GGT1: variants seen among roughly 807,000 people sequenced by gnomAD.
GGT1 encodes gamma-glutamyltransferase 1, also known as glutathione hydrolase 1 proenzyme.
Under a neutral mutation model 56.0 loss-of-function variants are expected in GGT1, and 21 were observed. That is an observed-to-expected ratio of 0.38 (90% CI 0.27 to 0.54). GGT1 has a LOEUF of 0.54. GGT1 is among the 20% of genes least tolerant of loss of function. The pLI, the probability that GGT1 is intolerant of heterozygous loss-of-function variation, is 0.82. For missense variants in GGT1, 466 were observed against 787.0 expected, an observed-to-expected ratio of 0.59 and a Z score of 4.88; for synonymous variants, 238 against 342.6, an observed-to-expected ratio of 0.69 and a Z score of 3.37.
At chr22:24,592,343 G>A (rs1468494190), upstream of GGT1, 1 of 470,556 alleles carries the variant, frequency 2.1e-6, no homozygotes, top group Admixed American at 2.3e-5. Flanking sequence ...CTCTCTGTGG[G>A]CTGCCATGGT....
Position 24,620,717 on chromosome 22 carries a change from A to G in GGT1, c.576-196A>G. ...GTCCCAGTGGCCACTGTGGCTGGCC[A>G]TGTGTCCTGAGTGGCAAGGGACACT... On this transcript the variant is annotated intron_variant, in intron 8 of 15. Coordinates refer to ENST00000400382, the MANE Select transcript of GGT1 (RefSeq NM_001288833.2). The surrounding 1 kb of genome is among the most constrained non-coding windows in gnomAD (Gnocchi z 5.6). 6.9e-6 allele frequency: 10 copies of G among 1,458,162 alleles called. No homozygotes were observed. Among genetic ancestry groups the G allele is most frequent in the Non-Finnish European group, 7.3e-6 (8 of 1,102,728 alleles). The allele number at this position is 1,458,162 out of a possible 1,614,324, so 90.3% of individuals were successfully genotyped here.
At chr22:24,626,883 C>T (rs4426615) in intron 11 of GGT1, among the ~76,000 whole-genome samples, 9,688 of 148,212 alleles carry the variant, frequency 0.065, 975 homozygotes, top group African/African-American at 0.22. Flanking sequence ...CATTCACTCT[C>T]TGCCTATCAC....
At chr22:24,586,208 C>T in the GGT1 span, 165 of 1,613,528 alleles carry the variant, frequency 1.0e-4, no homozygotes, top group Admixed American at 2.3e-4. Flanking sequence ...CTGGGTGAGG[C>T]GGGGCAGCGC....
chr22:24,618,367 G>A (rs1435947570), intron 7 of GGT1, among the ~76,000 whole-genome samples: 1 of 152,176 alleles, frequency 6.6e-6, no homozygotes, highest in African/African-American at 2.4e-5. Context: ...GAGGTGGGTG[G>A]ATGACCTGAG....
chr22:24,588,257 G>C, the GGT1 span: 1 of 1,613,584 alleles, frequency 6.2e-7, no homozygotes, highest in Non-Finnish European at 8.5e-7. Context: ...CCTTGCTGCT[G>C]CTTCGAGTGA....
the GGT1 span, chr22:24,589,515 A>G: frequency 2.1e-6 from 1 of 472,552 alleles, no homozygotes; most frequent in South Asian, 3.7e-5. Context: ...GGGTCCCCAT[A>G]TGACTTCTGC....
At chr22:24,618,910 G>T (rs2047234394) in intron 7 of GGT1, among the ~76,000 whole-genome samples, 1 of 152,056 alleles carries the variant, frequency 6.6e-6, no homozygotes, top group South Asian at 2.1e-4. Context: ...GCGGGGCTCA[G>T]GGGGGAAGCA....
intron 9 of GGT1, among the ~76,000 whole-genome samples, 160 bp from the exon 10 acceptor site, chr22:24,622,946 AC>A (rs1480084828): frequency 3.3e-5 from 5 of 151,994 alleles, no homozygotes; most frequent in South Asian, 2.1e-4. Flanking sequence ...GCACAGTCCC[AC>A]CCCTCCAGTA....
chr22:24,623,832 G>A lies in GGT1; in HGVS notation c.936G>A (p.Thr312=), dbSNP rs766059068. ...AGAGCCCCGAGCAGAAGGGCCTGACGTACCACCGCATCGTAGAGGCTTTCC... is the reference window on the plus strand; with the variant it reads ...AGAGCCCCGAGCAGAAGGGCCTGACATACCACCGCATCGTAGAGGCTTTCC... The part of the protein sequence containing the change: ...SVESPEQKGL[T]YHRIVEAFRF... The change falls in exon 11 of 16, where the codon ACG becomes ACA. Residue 312 remains threonine (T), a synonymous_variant. Transcript: ENST00000400382. 2.2e-5 allele frequency: 36 copies of A among 1,611,744 alleles called. No individual in the cohort carries two copies. The highest frequency in any genetic ancestry group is 2.6e-5 in the Non-Finnish European group (31 of 1,179,840).
At chr22:24,601,005 T>C (rs367775640), upstream of GGT1, among the ~76,000 whole-genome samples, 2,278 of 152,278 alleles carry the variant, frequency 0.015, 64 homozygotes, top group African/African-American at 0.051. Flanking sequence ...CTTGAGATTC[T>C]GTGATCCTAA....
chr22:24,588,555 C>A, the GGT1 span: 1 of 789,384 alleles, frequency 1.3e-6, no homozygotes, highest in Non-Finnish European at 1.9e-6. Flanking sequence ...TGGTCCAGTC[C>A]CGCAGTGCCC....
At chr22:24,618,849 A>G (rs2147428739) in intron 7 of GGT1, among the ~76,000 whole-genome samples, 1 of 152,270 alleles carries the variant, frequency 6.6e-6, no homozygotes, top group South Asian at 2.1e-4. Flanking sequence ...CAGAGGCCAT[A>G]GTTGTACCTT....
At chr22:24,603,557 C>T (rs1014854663) in intron 1 of GGT1, 30 bp downstream of exon 1, 1 of 152,382 alleles carries the variant, frequency 6.6e-6, no homozygotes, top group African/African-American at 2.4e-5. Flanking sequence ...CTTTATCCGA[C>T]TGGGTCTGGG....
chr22:24,624,719 G>T (rs2047644473), intron 11 of GGT1: 1 of 977,794 alleles, frequency 1.0e-6, no homozygotes, highest in Admixed American at 6.1e-5. Context: ...TGCCTCTGAT[G>T]ATTTACTTCT....
At chr22:24,607,331 C>A (rs970737122) in intron 1 of GGT1, among the ~76,000 whole-genome samples, 197 of 152,214 alleles carry the variant, frequency 1.3e-3, no homozygotes, top group African/African-American at 4.6e-3. Context: ...ACTACTCCAC[C>A]GCCTCCAGAG....
At position 24,628,300 on chromosome 22, in the gene GGT1, G is replaced by T. The variant is rs2047916318; in HGVS notation, c.1475G>T (p.Gly492Val). Residue 492 changes from glycine to valine, a missense_variant, in exon 15 of 16, where the codon GGC becomes GTC. Gly to Val is a moderately radical substitution (Grantham distance 109). This residue lies in a region of GGT1 where 456 missense variants were observed against 716.7 expected (regional missense o/e 0.64). Transcript: ENST00000400382. The surrounding 1 kb of genome is among the most constrained non-coding windows in gnomAD (Gnocchi z 5.7). ...ALAIIYNLWF[G>V]YDVKRAVEEP... ...GCCATCATCTACAACCTCTGGTTCG[G>T]CTATGACGTGAAGCGGGCCGTGGAG... The T allele has an allele frequency of 6.2e-7, 1 of 1,611,774 alleles. No individual in the cohort carries two copies. The highest frequency in any genetic ancestry group is 1.3e-5 in the African/African-American group (1 of 74,766).
intron 1 of GGT1, among the ~76,000 whole-genome samples, chr22:24,604,669 G>A (rs961875231): frequency 2.6e-5 from 4 of 151,994 alleles, no homozygotes; most frequent in Non-Finnish European, 5.9e-5. Flanking sequence ...TCCTTCCTCA[G>A]GTGACATGGC....
At chr22:24,614,045 G>A (rs1479580651) in intron 5 of GGT1, among the ~76,000 whole-genome samples, 3 of 151,936 alleles carry the variant, frequency 2.0e-5, no homozygotes, top group African/African-American at 7.3e-5. Flanking sequence ...GTGAGACCCT[G>A]TCTCATAAAA....
chr22:24,601,803 C>T (rs1299030135), upstream of GGT1, among the ~76,000 whole-genome samples: 1 of 152,222 alleles, frequency 6.6e-6, no homozygotes, highest in Non-Finnish European at 1.5e-5. Context: ...GGCAGCTGCC[C>T]CTGGCTGGAG....
Sources: gnomAD v4.1 joint callset for allele counts (sites outside exome capture counted in the v4.1 genomes callset) on GRCh38, gnomAD v4.1.1 for gene constraint, gnomAD v4.1.1 regional missense constraint, Gnocchi (gnomAD v3.1) non-coding constraint, MANE v1.5 for transcripts, NCBI Gene and HGNC (gene_info 2026-07-23, HGNC 2026-07-21) for gene names.